RTL4: variants seen among roughly 807,000 people sequenced by gnomAD.
The protein encoded by RTL4 is retrotransposon Gag-like protein 4.
In RTL4, 4 loss-of-function variants were observed where a neutral mutation model predicts 5.3. The observed-to-expected ratio is 0.75, with a 90% CI of 0.37 to 1.72. The LOEUF is 1.72. Among genes scored for constraint, RTL4 ranks in the 40% most tolerant of loss-of-function variants. The probability of loss-of-function intolerance (pLI) is 0.04; values close to 1 mark genes in which losing one functional copy is unlikely to be tolerated. For missense variants in RTL4, 260 were observed against 227.1 expected, an observed-to-expected ratio of 1.14 and a Z score of -0.93; for synonymous variants, 98 against 87.3, an observed-to-expected ratio of 1.12 and a Z score of -0.68.
At chrX:112,366,881 T>C in the RTL4 span, among the ~76,000 whole-genome samples, 3 of 111,930 alleles carry the variant, frequency 2.7e-5, no homozygotes, top group African/African-American at 9.7e-5. Context: ...CTAAGGCAGC[T>C]TTGATCAGCC....
At chrX:112,307,393 G>A in the RTL4 span, among the ~76,000 whole-genome samples, 2 of 112,136 alleles carry the variant, frequency 1.8e-5, no homozygotes, top group African/African-American at 3.2e-5. Flanking sequence ...CCATGCTTAT[G>A]TGCATGTCCA....
chrX:112,409,501 C>T, the RTL4 span, among the ~76,000 whole-genome samples: 1 of 110,597 alleles, frequency 9.0e-6, no homozygotes, highest in African/African-American at 3.3e-5. Flanking sequence ...GTGGGTGGAT[C>T]ACGAGGTCGG....
the RTL4 span, among the ~76,000 whole-genome samples, chrX:112,170,192 T>A: frequency 2.7e-5 from 3 of 112,352 alleles, no homozygotes; most frequent in East Asian, 8.3e-4. Context: ...TCAGGTAGCA[T>A]GATGTCTCCA....
chrX:112,383,460 C>T, the RTL4 span, among the ~76,000 whole-genome samples: 2 of 112,087 alleles, frequency 1.8e-5, no homozygotes, highest in African/African-American at 6.5e-5. Context: ...AAGGATTCTC[C>T]TTCAATGTGC....
the RTL4 span, among the ~76,000 whole-genome samples, chrX:112,443,773 T>A: frequency 8.0e-4 from 90 of 112,212 alleles, no homozygotes; most frequent in African/African-American, 2.8e-3. Context: ...TGCCTATTTT[T>A]AAATCAGATT....
chrX:112,340,621 C>T, the RTL4 span, among the ~76,000 whole-genome samples: 1 of 106,790 alleles, frequency 9.4e-6, no homozygotes, highest in East Asian at 2.9e-4. Context: ...GTAGGGAAAC[C>T]TTTTTAGGCC....
At chrX:112,321,561 G>A in the RTL4 span, among the ~76,000 whole-genome samples, 7 of 103,192 alleles carry the variant, frequency 6.8e-5, no homozygotes, top group African/African-American at 2.7e-4. Flanking sequence ...GAAAGAAAAA[G>A]AAAAGAAAGA....
At chrX:112,101,387 A>G in the RTL4 span, among the ~76,000 whole-genome samples, 1 of 111,955 alleles carries the variant, frequency 8.9e-6, no homozygotes, top group East Asian at 2.8e-4. Context: ...CCAGTGCTTT[A>G]TTCAAAGGAA....
the RTL4 span, among the ~76,000 whole-genome samples, chrX:112,341,320 C>T: frequency 2.7e-5 from 3 of 111,796 alleles, no homozygotes; most frequent in East Asian, 8.5e-4. Context: ...CTGAAACTAT[C>T]CCCTAAGATG....
chrX:112,340,944 C>T, the RTL4 span, among the ~76,000 whole-genome samples: 3 of 111,049 alleles, frequency 2.7e-5, no homozygotes, highest in African/African-American at 6.5e-5. Context: ...TCTCAAACTC[C>T]GGACCTCAAG....
the RTL4 span, among the ~76,000 whole-genome samples, chrX:112,407,208 C>G: frequency 9.0e-6 from 1 of 111,066 alleles, no homozygotes; most frequent in Non-Finnish European, 1.9e-5. Flanking sequence ...CTTGGGGTCC[C>G]CGATTCCAGG....
the RTL4 span, among the ~76,000 whole-genome samples, chrX:112,426,164 T>C: frequency 8.9e-6 from 1 of 111,865 alleles, no homozygotes; most frequent in African/African-American, 3.2e-5. Context: ...CCAGTTGTTC[T>C]AGCACCATTT....
At chrX:112,370,188 C>A in the RTL4 span, among the ~76,000 whole-genome samples, 4 of 110,602 alleles carry the variant, frequency 3.6e-5, no homozygotes, top group East Asian at 1.1e-3. Flanking sequence ...AGAATTGGAC[C>A]CTGGGGGCCC....
the RTL4 span, among the ~76,000 whole-genome samples, chrX:112,201,973 T>TTATGTGTGTGTGTG: frequency 9.7e-6 from 1 of 103,400 alleles, no homozygotes; most frequent in Non-Finnish European, 2.0e-5. Context: ...TTGTGTGTGT[T>TTATGTGTGTGTGTG]TGTGTGTGTG....
the RTL4 span, among the ~76,000 whole-genome samples, chrX:112,339,675 A>G: frequency 0.042 from 4,688 of 112,632 alleles, 248 homozygotes; most frequent in African/African-American, 0.14. Context: ...AACAGTGTAT[A>G]ATAGCTGAAT....
the RTL4 span, among the ~76,000 whole-genome samples, chrX:112,160,537 C>A: frequency 2.7e-5 from 3 of 111,804 alleles, no homozygotes; most frequent in Non-Finnish European, 3.8e-5. Flanking sequence ...ATTTATGATA[C>A]AATATGATAA....
chrX:112,414,177 CT>C, the RTL4 span, among the ~76,000 whole-genome samples: 1 of 110,599 alleles, frequency 9.0e-6, no homozygotes, highest in Non-Finnish European at 1.9e-5. Context: ...CCTTTCCCCA[CT>C]TTTTTTTGTT....
the RTL4 span, among the ~76,000 whole-genome samples, chrX:112,187,105 A>G: frequency 7.1e-5 from 8 of 111,958 alleles, no homozygotes; most frequent in African/African-American, 2.6e-4. Context: ...TCCAGTAACT[A>G]CGCCCTCCAT....
At chrX:112,249,341 G>C in the RTL4 span, among the ~76,000 whole-genome samples, 1 of 111,361 alleles carries the variant, frequency 9.0e-6, no homozygotes, top group African/African-American at 3.3e-5. Context: ...CCATTCATCT[G>C]GATCAACTCT....
Sources: allele counts gnomAD v4.1 joint callset (sites outside exome capture counted in the v4.1 genomes callset), GRCh38; gene constraint gnomAD v4.1.1; transcripts MANE v1.5; gene names NCBI Gene and HGNC (gene_info 2026-07-23, HGNC 2026-07-21).